The following GLI2 variants were observed in gnomAD, a reference collection of about 807,000 sequenced individuals.
GLI2 encodes GLI family zinc finger 2, also known as transcription activator GLI2.
GLI2 carries 22 observed loss-of-function variants against 78.9 expected under a neutral mutation model. The ratio of observed to expected loss-of-function variants is 0.28; its 90% CI spans 0.20 to 0.40. GLI2 has a LOEUF of 0.40. Ranked by LOEUF, GLI2 falls within the 10% of genes least tolerant of loss-of-function variation. GLI2 has a pLI of 1.00. For synonymous variants in GLI2, 974 were observed against 963.7 expected (o/e 1.01, Z -0.20); for missense variants, 2,097 against 2,213.2 (o/e 0.95, Z 1.05).
chr2:120,944,418 G>A (rs1680608022), intron 3 of GLI2, among the ~76,000 whole-genome samples: 2 of 152,202 alleles, frequency 1.3e-5, no homozygotes, highest in Admixed American at 6.5e-5. Flanking sequence ...CTGAGGCTCA[G>A]GGCACATAGC....
intron 1 of GLI2, among the ~76,000 whole-genome samples, chr2:120,766,301 G>A (rs550650161): frequency 2.0e-5 from 3 of 152,326 alleles, no homozygotes; most frequent in East Asian, 3.9e-4. Context: ...TGTGAAGAGC[G>A]TCCAGCATAC....
intron 2 of GLI2, among the ~76,000 whole-genome samples, chr2:120,906,912 C>A (rs1573576796): frequency 6.6e-6 from 1 of 152,264 alleles, no homozygotes; most frequent in Admixed American, 6.5e-5. Context: ...CTGCCCTTCC[C>A]GCCCTGGTAG....
intron 2 of GLI2, among the ~76,000 whole-genome samples, chr2:120,904,552 C>T (rs573486157): frequency 3.3e-5 from 5 of 152,284 alleles, no homozygotes; most frequent in African/African-American, 9.6e-5. Context: ...AGCCATGGAG[C>T]GGCCTGCCAA....
At chr2:120,841,592 T>C (rs1686871967) in intron 2 of GLI2, among the ~76,000 whole-genome samples, 1 of 152,242 alleles carries the variant, frequency 6.6e-6, no homozygotes, top group Non-Finnish European at 1.5e-5. Context: ...TCTGTCTTCA[T>C]TCATTTCAAC....
chr2:120,974,939 C>T, intron 8 of GLI2, 36 bp from the exon 9 acceptor site: 3 of 1,614,234 alleles, frequency 1.9e-6, no homozygotes, highest in Non-Finnish European at 1.7e-6. Context: ...GGTGTCTGGA[C>T]ACGGCTCATG....
chr2:120,971,866 G>A, intron 7 of GLI2, 75 bp from the exon 8 acceptor site: 1 of 1,354,648 alleles, frequency 7.4e-7, no homozygotes, highest in Non-Finnish European at 1.1e-6. Context: ...AGATCCTAGA[G>A]TTAAAGTCCA....
intron 1 of GLI2, among the ~76,000 whole-genome samples, chr2:120,775,569 G>C (rs1683653026): frequency 6.6e-6 from 1 of 152,204 alleles, no homozygotes; most frequent in Non-Finnish European, 1.5e-5. Flanking sequence ...GCACCTCTCA[G>C]CAGAGCGCCG....
At chr2:120,931,095 T>G in intron 3 of GLI2, among the ~76,000 whole-genome samples, 1 of 152,252 alleles carries the variant, frequency 6.6e-6, no homozygotes, top group East Asian at 1.9e-4. Flanking sequence ...TACCACAAAC[T>G]TCATGGCTTA....
chr2:120,807,679 G>C (rs1296867268), intron 2 of GLI2, among the ~76,000 whole-genome samples: 1 of 152,130 alleles, frequency 6.6e-6, no homozygotes, highest in South Asian at 2.1e-4. Flanking sequence ...GGCTGGTTTT[G>C]TCAGCCCCTT....
chr2:120,895,176 G>A (rs116343964), intron 2 of GLI2, among the ~76,000 whole-genome samples: 2,124 of 152,316 alleles, frequency 0.014, 56 homozygotes, highest in African/African-American at 0.048. Flanking sequence ...TCCAGCGTTT[G>A]CAGCCAGCAA....
chr2:120,938,180 G>A (rs550255654), intron 3 of GLI2, among the ~76,000 whole-genome samples: 214 of 152,164 alleles, frequency 1.4e-3, no homozygotes, highest in African/African-American at 5.0e-3. Context: ...CTCCCCCAGG[G>A]CCTCCTCCCC....
intron 2 of GLI2, among the ~76,000 whole-genome samples, chr2:120,898,267 A>G (rs545856832): frequency 3.4e-4 from 51 of 151,870 alleles, no homozygotes; most frequent in Admixed American, 9.2e-4. Flanking sequence ...TTGGGATTAT[A>G]TTTTCCCCAG....
rs752505618 is a variant in GLI2, at chr2:120,797,399, G to T, written c.79G>T (p.Asp27Tyr). The T allele has an allele frequency of 6.8e-6, 11 of 1,614,010 alleles. No individual in the cohort carries two copies. Among genetic ancestry groups the T allele is most frequent in the Non-Finnish European group, 8.5e-6 (10 of 1,179,944 alleles). ...GATCCTGGAGGCCGCTGGCTTCCCC[G>T]ACCCGGGTAAAAAGGCCTCTCCTTT... The part of the protein sequence containing the change: ...SGILEAAGFP[D>Y]PGKKASPLVV... Residue 27 changes from aspartate (D) to tyrosine (Y), a missense_variant, in exon 2 of 14, where the codon GAC becomes TAC. Physicochemically the swap from Asp to Tyr is radical, Grantham distance 160 (BLOSUM62 -3). Coordinates refer to ENST00000361492, the MANE Select transcript of GLI2 (RefSeq NM_001374353.1).
chr2:120,938,402 G>C (rs2104907239), intron 3 of GLI2, among the ~76,000 whole-genome samples: 1 of 152,336 alleles, frequency 6.6e-6, no homozygotes, highest in Non-Finnish European at 1.5e-5. Context: ...GCTCCCAGGG[G>C]AAAACTGATA....
At chr2:120,818,918 G>A (rs191823215) in intron 2 of GLI2, among the ~76,000 whole-genome samples, 7 of 152,226 alleles carry the variant, frequency 4.6e-5, no homozygotes, top group Admixed American at 1.3e-4. Context: ...TGAAGCAGCC[G>A]CAGCCCCCCG....
chr2:120,919,394 A>C (rs1344019984), intron 2 of GLI2, among the ~76,000 whole-genome samples: 1 of 152,248 alleles, frequency 6.6e-6, no homozygotes, highest in Non-Finnish European at 1.5e-5. Context: ...TCCTCACGTA[A>C]GAGTGCCCGA....
intron 2 of GLI2, among the ~76,000 whole-genome samples, chr2:120,831,724 G>A (rs527926735): frequency 6.6e-6 from 1 of 152,160 alleles, no homozygotes; most frequent in Non-Finnish European, 1.5e-5. Flanking sequence ...CTGGTCTGGT[G>A]GCTGGGAGTG....
chr2:120,903,118 G>A (rs1280376888), intron 2 of GLI2, among the ~76,000 whole-genome samples: 1 of 152,032 alleles, frequency 6.6e-6, no homozygotes, highest in Non-Finnish European at 1.5e-5. Context: ...GGCGCAGTGG[G>A]TCATTCCTGT....
chr2:120,763,695 C>A (rs1398631945), intron 1 of GLI2, among the ~76,000 whole-genome samples: 1 of 152,230 alleles, frequency 6.6e-6, no homozygotes, highest in African/African-American at 2.4e-5. Context: ...TGACAAGAAG[C>A]CACGCCCTGT....
Sources: gnomAD v4.1 joint callset for allele counts (sites outside exome capture counted in the v4.1 genomes callset) on GRCh38, gnomAD v4.1.1 for gene constraint, MANE v1.5 for transcripts, NCBI Gene and HGNC (gene_info 2026-07-23, HGNC 2026-07-21) for gene names.